CMC1: variants seen among roughly 807,000 people sequenced by gnomAD.
CMC1 encodes C-X9-C motif containing 1, also known as COX assembly mitochondrial protein homolog.
In CMC1, 14 loss-of-function variants were observed where a neutral mutation model predicts 14.1. That is an observed-to-expected ratio of 0.99 (90% CI 0.66 to 1.55). CMC1 has a LOEUF of 1.55. Among genes scored for constraint, CMC1 ranks in the 40% most tolerant of loss-of-function variants. The pLI is 0.00. For missense variants in CMC1, 127 were observed against 123.8 expected (o/e 1.03, Z -0.12); for synonymous variants, 50 against 38.4 (o/e 1.30, Z -1.12).
intron 2 of CMC1, among the ~76,000 whole-genome samples, chr3:28,309,686 G>A (rs1559444062): frequency 6.6e-6 from 1 of 152,052 alleles, no homozygotes; most frequent in Non-Finnish European, 1.5e-5. Context: ...CTGTGCAGAA[G>A]AAAACATGAT....
chr3:28,306,644 A>ATTT (rs201960912), intron 2 of CMC1, among the ~76,000 whole-genome samples: 1 of 141,928 alleles, frequency 7.0e-6, no homozygotes. Context: ...AAAATGAAGA[A>ATTT]TTTTTTTTTT....
intron 1 of CMC1, among the ~76,000 whole-genome samples, chr3:28,242,462 G>A (rs1474121459): frequency 6.6e-6 from 1 of 152,202 alleles, no homozygotes; most frequent in Non-Finnish European, 1.5e-5. Flanking sequence ...ATGGTAGTTG[G>A]TCTAGTCCAT....
chr3:28,323,800 CTTA>C lies in CMC1; in HGVS notation c.*4175_*4177del, dbSNP rs2125632119. 2 of 317,120 alleles carry C rather than the reference CTTA, an allele frequency of 6.3e-6. No homozygotes were observed. The highest frequency in any genetic ancestry group is 1.1e-5 in the Non-Finnish European group (2 of 175,340). 19.6% of individuals were successfully genotyped at this position (317,120 alleles called of 1,614,324 possible). A position where few individuals can be genotyped will look rare whatever the true frequency, so the allele number is the denominator to read the frequency against. On this transcript the variant is annotated 3_prime_UTR_variant, in exon 4 of 4. Transcript: ENST00000466830. Reference sequence around the variant, plus strand: ...GAGTTTTTTAAACACCTTAAGTTTACTTATTAATTAGTATAGTAGCATATTTCA... The same window carrying C: ...GAGTTTTTTAAACACCTTAAGTTTACTTAATTAGTATAGTAGCATATTTCA...
At chr3:28,312,285 T>A (rs1044194501) in intron 2 of CMC1, among the ~76,000 whole-genome samples, 2 of 152,192 alleles carry the variant, frequency 1.3e-5, no homozygotes, top group African/African-American at 2.4e-5. Flanking sequence ...CTAAAGACAG[T>A]TGTGAAAAAA....
chr3:28,324,480 T>C lies in CMC1; in HGVS notation c.*4851T>C, dbSNP rs1423873527. ...CTAAAAAGAAAACACAGACTAAATG[T>C]CAGTTTTCATTACATTTGTGATCAT... is the stretch of plus-strand genomic sequence containing the variant. On this transcript the variant is annotated 3_prime_UTR_variant, in exon 4 of 4. Transcript: ENST00000466830. 2.8e-6 allele frequency: 4 copies of C among 1,431,488 alleles called. No homozygotes were observed. Among genetic ancestry groups the C allele is most frequent in the Non-Finnish European group, 3.7e-6 (4 of 1,083,816 alleles). 88.7% of individuals were successfully genotyped at this position (1,431,488 alleles called of 1,614,324 possible).
At chr3:28,290,589 T>C (rs1461241282) in intron 2 of CMC1, among the ~76,000 whole-genome samples, 2 of 152,146 alleles carry the variant, frequency 1.3e-5, no homozygotes, top group African/African-American at 4.8e-5. Context: ...GTTTGGAAGC[T>C]TAACTGTGAT....
chr3:28,261,310 G>A (rs1306222273), intron 1 of CMC1, among the ~76,000 whole-genome samples: 1 of 151,924 alleles, frequency 6.6e-6, no homozygotes, highest in Non-Finnish European at 1.5e-5. Context: ...AATAGAATCT[G>A]ATTTCCTTCC....
Position 28,266,207 on chromosome 3 carries a change from A to T in CMC1, c.109+2827A>T, listed in dbSNP as rs535349333. On this transcript the variant is annotated intron_variant, in intron 2 of 3. Coordinates refer to ENST00000466830, the MANE Select transcript of CMC1 (RefSeq NM_182523.2). The stretch of plus-strand genomic sequence containing the variant: ...TGCATATTTCACCTAATGTTTAAAT[A>T]CAGTTAAAATTTGTCTTAAGCAATA... Among the ~76,000 whole-genome samples, 15 of 152,324 alleles carry T rather than the reference A, an allele frequency of 9.8e-5. No individual in the cohort carries two copies. In the East Asian group the frequency reaches 2.9e-3, roughly 29 times the overall value.
intron 2 of CMC1, among the ~76,000 whole-genome samples, chr3:28,293,217 G>A (rs1451646817): frequency 6.6e-6 from 1 of 152,028 alleles, no homozygotes; most frequent in African/African-American, 2.4e-5. Context: ...AAAGACTGTG[G>A]TTGTTCTGTG....
Position 28,320,253 on chromosome 3 carries a change from C to G in CMC1, c.*624C>G, listed in dbSNP as rs1464325228. On this transcript the variant is annotated 3_prime_UTR_variant, in exon 4 of 4. Coordinates refer to ENST00000466830, the MANE Select transcript of CMC1 (RefSeq NM_182523.2). ...AACTATCTTAGTCCATTTTCTGTTG[C>G]TATGGGAGAATACCCAAGACCAGGT... 1 of 151,512 alleles carries G rather than the reference C, an allele frequency of 6.6e-6. No homozygotes were observed. The highest frequency in any genetic ancestry group is 2.4e-5 in the African/African-American group (1 of 41,342). 9.4% of individuals were successfully genotyped at this position (151,512 alleles called of 1,614,324 possible).
rs1192705232 is a variant in CMC1 at position 28,323,489 on chromosome 3, C to CA, written c.*3866dup. 5.3e-5 allele frequency: 8 copies of CA among 150,772 alleles called. No individual in the cohort carries two copies. Among genetic ancestry groups the CA allele is most frequent in the Non-Finnish European group, 1.0e-4 (7 of 67,182 alleles). 9.3% of individuals were successfully genotyped at this position (150,772 alleles called of 1,614,324 possible). A position where few individuals can be genotyped will look rare whatever the true frequency, so the allele number is the denominator to read the frequency against. ...AATTTTATCAACAAAACACTGTGACCAAAAAATCACTTTAAATCTTAAATA... is the reference window on the plus strand; with the variant it reads ...AATTTTATCAACAAAACACTGTGACCAAAAAAATCACTTTAAATCTTAAATA... On this transcript the variant is annotated 3_prime_UTR_variant, in exon 4 of 4. Transcript: ENST00000466830.
intron 2 of CMC1, among the ~76,000 whole-genome samples, chr3:28,271,546 G>A (rs1700291193): frequency 6.6e-6 from 1 of 152,156 alleles, no homozygotes; most frequent in Admixed American, 6.5e-5. Context: ...TCTCTATTCT[G>A]TTTCATTGGT....
intron 2 of CMC1, among the ~76,000 whole-genome samples, chr3:28,300,668 C>T (rs574191851): frequency 8.8e-6 from 1 of 113,242 alleles, no homozygotes; most frequent in African/African-American, 3.8e-5. Context: ...CCTCCCTTTC[C>T]CTCCCTTTCC....
intron 2 of CMC1, among the ~76,000 whole-genome samples, chr3:28,280,476 A>G (rs1477353731): frequency 1.3e-5 from 2 of 152,224 alleles, no homozygotes; most frequent in Non-Finnish European, 2.9e-5. Flanking sequence ...GTAAGAAAAC[A>G]TATGTAATGT....
intron 3 of CMC1, chr3:28,317,738 T>TC (rs1354936123): frequency 6.6e-6 from 1 of 152,048 alleles, no homozygotes; most frequent in African/African-American, 2.4e-5. Context: ...GGCAGGCTCC[T>TC]CATTGTAAGA....
chr3:28,257,672 C>CA (rs1699485411), intron 1 of CMC1, among the ~76,000 whole-genome samples: 2 of 152,126 alleles, frequency 1.3e-5, no homozygotes, highest in African/African-American at 4.8e-5. Flanking sequence ...GCGCACGCCA[C>CA]CATGCCCAGC....
At chr3:28,304,964 A>G (rs1000087449) in intron 2 of CMC1, among the ~76,000 whole-genome samples, 1 of 152,162 alleles carries the variant, frequency 6.6e-6, no homozygotes, top group Non-Finnish European at 1.5e-5. Flanking sequence ...TTTGAGGGGT[A>G]CATGTGCAGG....
At chr3:28,274,279 T>C (rs1700467783) in intron 2 of CMC1, among the ~76,000 whole-genome samples, 1 of 149,570 alleles carries the variant, frequency 6.7e-6, no homozygotes, top group Admixed American at 6.7e-5. Context: ...TTAGTGCTTC[T>C]TTCAGGAGCT....
chr3:28,250,631 A>G (rs901424065), intron 1 of CMC1, among the ~76,000 whole-genome samples: 5 of 152,204 alleles, frequency 3.3e-5, no homozygotes, highest in Admixed American at 1.3e-4. Context: ...GAAGGGTAAC[A>G]TAACCACTAG....
Sources: gnomAD v4.1 joint callset for allele counts (sites outside exome capture counted in the v4.1 genomes callset) on GRCh38, gnomAD v4.1.1 for gene constraint, MANE v1.5 for transcripts, NCBI Gene and HGNC (gene_info 2026-07-23, HGNC 2026-07-21) for gene names.